SCOC: variants seen among roughly 807,000 people sequenced by gnomAD.
The protein encoded by SCOC is short coiled-coil protein, also known as short coiled coil protein.
A neutral mutation model predicts 9.9 loss-of-function variants in SCOC; 7 were observed. That is an observed-to-expected ratio of 0.71 (90% confidence interval 0.40 to 1.33). The LOEUF is 1.33. Among genes scored for constraint, SCOC ranks in the 40% most tolerant of loss-of-function variants. SCOC has a pLI of 0.01. For synonymous variants in SCOC, 19 were observed against 28.2 expected (o/e 0.67, Z 1.03); for missense variants, 66 against 89.7 (o/e 0.74, Z 1.07).
chr4:140,364,089 C>T (rs1275222597), intron 2 of SCOC, among the ~76,000 whole-genome samples: 2 of 151,586 alleles, frequency 1.3e-5, no homozygotes, highest in Non-Finnish European at 2.9e-5. Context: ...TGCAGCTACA[C>T]CAGCAAGCAT....
chr4:140,316,062 T>G (rs1199249294), intron 1 of SCOC, among the ~76,000 whole-genome samples: 1 of 152,100 alleles, frequency 6.6e-6, no homozygotes, highest in African/African-American at 2.4e-5. Context: ...CATCCCCCAA[T>G]GAGGCCTCAT....
In SCOC at chr4:140,366,601, G is replaced by T. The variant is rs909486006; in HGVS notation, c.71-12520G>T. 1.7e-5 allele frequency: 27 copies of T among 1,605,662 alleles called. No homozygotes were observed. The Middle Eastern group carries it at 8.3e-4, about 49-fold the overall frequency. ...AATCTTCTTGGCCCATCGTGTGGCT[G>T]CCCATTTTGTATTGATGTTTGCCTT... On this transcript the variant is annotated intron_variant, in intron 2 of 4. Transcript: ENST00000338517.
At chr4:140,282,525 T>C (rs1731124658) in intron 1 of SCOC, among the ~76,000 whole-genome samples, 1 of 152,146 alleles carries the variant, frequency 6.6e-6, no homozygotes, top group Admixed American at 6.5e-5. Flanking sequence ...GTGGAGGTGA[T>C]AGAGTTTACT....
intron 1 of SCOC, among the ~76,000 whole-genome samples, chr4:140,336,583 A>G (rs1732963456): frequency 6.6e-6 from 1 of 152,184 alleles, no homozygotes; most frequent in African/African-American, 2.4e-5. Context: ...GCTGAATGAT[A>G]TTCCATTGAA....
chr4:140,371,120 C>T (rs1011104853), upstream of SCOC, among the ~76,000 whole-genome samples: 4 of 151,972 alleles, frequency 2.6e-5, no homozygotes, highest in African/African-American at 9.7e-5. Context: ...CTCCTGACCT[C>T]GTGATCCACC....
chr4:140,365,752 T>C (rs563833828), intron 2 of SCOC, among the ~76,000 whole-genome samples: 1 of 152,318 alleles, frequency 6.6e-6, no homozygotes, highest in East Asian at 1.9e-4. Context: ...TGTAAATATA[T>C]TTTCTCTTCC....
chr4:140,340,936 C>T (rs111364048), upstream of SCOC, among the ~76,000 whole-genome samples: 10 of 151,628 alleles, frequency 6.6e-5, no homozygotes, highest in Non-Finnish European at 1.3e-4. Context: ...GGATTACAGG[C>T]GTGTGCCACT....
intron 1 of SCOC, among the ~76,000 whole-genome samples, chr4:140,310,098 T>A (rs1047401068): frequency 4.6e-5 from 7 of 152,194 alleles, no homozygotes; most frequent in African/African-American, 1.7e-4. Context: ...GAAACAATAA[T>A]CTTCCCTAAA....
intron 1 of SCOC, chr4:140,374,164 C>G: frequency 2.2e-6 from 1 of 460,154 alleles, no homozygotes; most frequent in Non-Finnish European, 4.3e-6. Flanking sequence ...GGGAGGGAGC[C>G]TAGAGAGCCG....
intron 1 of SCOC, among the ~76,000 whole-genome samples, chr4:140,374,943 T>C (rs1366409436): frequency 6.6e-6 from 1 of 152,236 alleles, no homozygotes; most frequent in African/African-American, 2.4e-5. Flanking sequence ...AGCACATTAA[T>C]GCACGAAGAC....
intron 1 of SCOC, among the ~76,000 whole-genome samples, chr4:140,303,925 C>A (rs1731886745): frequency 6.6e-6 from 1 of 152,204 alleles, no homozygotes; most frequent in African/African-American, 2.4e-5. Context: ...CTCATTTAAT[C>A]ATTTATTCAA....
At chr4:140,286,869 GGAGGAAAGTGA>G (rs1560683257) in intron 1 of SCOC, among the ~76,000 whole-genome samples, 1 of 152,112 alleles carries the variant, frequency 6.6e-6, no homozygotes, top group Non-Finnish European at 1.5e-5. Flanking sequence ...AGGTACTTTG[GGAGGAAAGTGA>G]GAGAAAGAAG....
chr4:140,299,972 G>C (rs1214312032), intron 1 of SCOC, among the ~76,000 whole-genome samples: 1 of 152,180 alleles, frequency 6.6e-6, no homozygotes, highest in South Asian at 2.1e-4. Context: ...GGGTAAGAGA[G>C]TGTGCAAAAT....
Position 140,366,587 on chromosome 4 carries a change from C to T in SCOC, c.71-12534C>T, listed in dbSNP as rs1727807798. 6.9e-6 allele frequency: 11 copies of T among 1,605,074 alleles called. No individual in the cohort carries two copies. The South Asian group carries it at 1.1e-4, about 16-fold the overall frequency. On this transcript the variant is annotated intron_variant, in intron 2 of 4. Coordinates refer to the SCOC transcript ENST00000338517. The stretch of plus-strand genomic sequence containing the variant: ...CTTTCTCTGGCTTCAATCTTCTTGG[C>T]CCATCGTGTGGCTGCCCATTTTGTA...
intron 1 of SCOC, among the ~76,000 whole-genome samples, chr4:140,330,450 AATGCTG>A (rs1732786117): frequency 6.6e-6 from 1 of 152,176 alleles, no homozygotes; most frequent in Non-Finnish European, 1.5e-5. Flanking sequence ...AAAAACAAAA[AATGCTG>A]AAGCTTTTTG....
chr4:140,313,711 C>T (rs1270596151), intron 1 of SCOC, among the ~76,000 whole-genome samples: 2 of 151,990 alleles, frequency 1.3e-5, no homozygotes, highest in Non-Finnish European at 2.9e-5. Flanking sequence ...CCACTAAATT[C>T]AAGACCCTCT....
At chr4:140,295,980 G>A (rs542541878) in intron 1 of SCOC, among the ~76,000 whole-genome samples, 2 of 151,178 alleles carry the variant, frequency 1.3e-5, no homozygotes, top group South Asian at 2.1e-4. Flanking sequence ...AAATCACCTG[G>A]AGCTTATAAA....
At chr4:140,366,944 G>C (rs113106592) in intron 2 of SCOC, 1 of 520,486 alleles carries the variant, frequency 1.9e-6, no homozygotes, top group African/African-American at 1.9e-5. Flanking sequence ...GGTGGCTCAC[G>C]CATGTAATCC....
intron 2 of SCOC, among the ~76,000 whole-genome samples, chr4:140,346,437 C>A (rs1726743002): frequency 2.0e-5 from 3 of 152,128 alleles, no homozygotes; most frequent in Admixed American, 6.6e-5. Flanking sequence ...ACTGGTCAGA[C>A]CTATCGCTGT....
Sources: gnomAD v4.1 joint callset for allele counts (sites outside exome capture counted in the v4.1 genomes callset) on GRCh38, gnomAD v4.1.1 for gene constraint, MANE v1.5 for transcripts, NCBI Gene and HGNC (gene_info 2026-07-23, HGNC 2026-07-21) for gene names.